Variants in LRIG1 observed in about 807,000 individuals in gnomAD.
The protein encoded by LRIG1 is leucine-rich repeats and immunoglobulin-like domains protein 1.
A neutral mutation model predicts 99.2 loss-of-function variants in LRIG1; 48 were observed. That is an observed-to-expected ratio of 0.48 (90% CI 0.38 to 0.62). The LOEUF is 0.62. LRIG1 is among the 20% of genes least tolerant of loss of function. LRIG1 has a pLI of 0.00. For synonymous variants in LRIG1, 772 were observed against 596.1 expected, an observed-to-expected ratio of 1.29 and a Z score of -4.30; for missense variants, 1,646 against 1,434.4, an observed-to-expected ratio of 1.15 and a Z score of -2.38.
At chr3:66,463,655 T>C (rs771633896) in intron 1 of LRIG1, among the ~76,000 whole-genome samples, 5 of 152,238 alleles carry the variant, frequency 3.3e-5, no homozygotes, top group Non-Finnish European at 5.9e-5. Context: ...AGCCCCGTGT[T>C]TGCCAAAGAG....
rs185172010 is a variant in LRIG1 at position 66,417,176 on chromosome 3, C to T, written c.456G>A (p.Thr152=). The change falls in exon 4 of 19, where the codon ACG becomes ACA. Residue 152 remains threonine (T), a synonymous_variant. Coordinates refer to ENST00000273261, the MANE Select transcript of LRIG1 (RefSeq NM_015541.3). ...GTGGAAAGCAGGTGTTCCGCACTTC[C>T]GTGATGTTGTTCAAACTCAGATCTA... ...EVLDLSLNNI[T]EVRNTCFPHG... is the part of the protein sequence containing the mutation. 3.1e-4 allele frequency: 499 copies of T among 1,614,192 alleles called. 1 individual carries two copies. In the East Asian group the frequency reaches 0.01, roughly 33 times the overall value.
chr3:66,384,329 A>C (rs565344864), intron 13 of LRIG1, 57 bp from the exon 14 acceptor site: 2 of 1,551,938 alleles, frequency 1.3e-6, no homozygotes, highest in Admixed American at 1.7e-5. Context: ...CAAAACCAGG[A>C]AGTCCTCTGG....
intron 16 of LRIG1, among the ~76,000 whole-genome samples, chr3:66,382,066 G>A (rs1701108339): frequency 6.6e-6 from 1 of 152,194 alleles, no homozygotes; most frequent in East Asian, 1.9e-4. Context: ...CAATCCAGTG[G>A]CTTCCTGAGG....
Position 66,500,507 on chromosome 3 carries a change from A to T in LRIG1, c.-100T>A, listed in dbSNP as rs1393799530. On this transcript the variant is annotated 5_prime_UTR_variant, in exon 1 of 19. Coordinates refer to ENST00000273261, the MANE Select transcript of LRIG1 (RefSeq NM_015541.3). The stretch of plus-strand genomic sequence containing the variant: ...CGCGGGGCGCTCCGCTCGGCTCTAG[A>T]CTCCGCACCGGGGCATGGCCCCCGC... 1.7e-6 allele frequency: 1 copy of T among 579,808 alleles called. No individual in the cohort carries two copies. The highest frequency in any genetic ancestry group is 2.6e-6 in the Non-Finnish European group (1 of 383,164). The allele number at this position is 579,808 out of a possible 1,614,324, so 35.9% of individuals were successfully genotyped here. A position where few individuals can be genotyped will look rare whatever the true frequency, so the allele number is the denominator to read the frequency against.
intron 1 of LRIG1, among the ~76,000 whole-genome samples, chr3:66,480,182 C>G (rs533365256): frequency 6.6e-6 from 1 of 152,230 alleles, no homozygotes; most frequent in East Asian, 1.9e-4. Context: ...ATCATGACAA[C>G]ACTGTGCTAA....
At chr3:66,482,889 C>T (rs541944963) in intron 1 of LRIG1, among the ~76,000 whole-genome samples, 150 of 152,272 alleles carry the variant, frequency 9.9e-4, no homozygotes, top group Admixed American at 1.9e-3. Flanking sequence ...TCACACATTA[C>T]TGGAAATTTA....
intron 12 of LRIG1, chr3:66,387,455 T>TC (rs1298792116): frequency 6.6e-6 from 1 of 151,984 alleles, no homozygotes; most frequent in Non-Finnish European, 1.5e-5. Flanking sequence ...GACTTCTCTG[T>TC]CCAACCATTA....
At chr3:66,399,221 G>A (rs1353527994) in intron 9 of LRIG1, among the ~76,000 whole-genome samples, 180 bp from the exon 10 acceptor site, 1 of 152,206 alleles carries the variant, frequency 6.6e-6, no homozygotes, top group African/African-American at 2.4e-5. Flanking sequence ...AGGCACGCAG[G>A]CCTTCCCCTT....
In LRIG1 at chr3:66,472,825, T is replaced by A. The variant is rs1006289977; in HGVS notation, c.219-10316A>T. 2.6e-5 allele frequency among the ~76,000 whole-genome samples: 4 copies of A among 152,214 alleles called. No homozygotes were observed. The South Asian group carries it at 8.3e-4, about 32-fold the overall frequency. ...CCCTTCCCTCCATCTGAGTCATTCA[T>A]TACACACTATTCTAAACACTCTTGT... On this transcript the variant is annotated intron_variant, in intron 1 of 18. Coordinates refer to ENST00000273261, the MANE Select transcript of LRIG1 (RefSeq NM_015541.3).
intron 1 of LRIG1, among the ~76,000 whole-genome samples, chr3:66,498,961 T>C (rs1034126720): frequency 1.3e-5 from 2 of 152,252 alleles, no homozygotes; most frequent in African/African-American, 2.4e-5. Context: ...TTACAACTTG[T>C]GACACCAGTT....
At chr3:66,438,659 T>C (rs1002738434) in intron 3 of LRIG1, among the ~76,000 whole-genome samples, 3 of 152,200 alleles carry the variant, frequency 2.0e-5, no homozygotes, top group African/African-American at 7.2e-5. Context: ...AGAGTTGGAA[T>C]GAGCCTTGGG....
intron 3 of LRIG1, among the ~76,000 whole-genome samples, chr3:66,424,040 T>C (rs1702899916): frequency 6.6e-6 from 1 of 152,142 alleles, no homozygotes; most frequent in Non-Finnish European, 1.5e-5. Flanking sequence ...CTGGCTCCCC[T>C]CTCAGGAACG....
At chr3:66,497,596 T>C (rs1701255748) in intron 1 of LRIG1, among the ~76,000 whole-genome samples, 1 of 151,230 alleles carries the variant, frequency 6.6e-6, no homozygotes, top group Admixed American at 6.6e-5. Flanking sequence ...CGATTATCAT[T>C]ATCCATTCTG....
At chr3:66,468,717 T>G (rs1700530982) in intron 1 of LRIG1, among the ~76,000 whole-genome samples, 1 of 152,182 alleles carries the variant, frequency 6.6e-6, no homozygotes, top group Admixed American at 6.5e-5. Flanking sequence ...AAAAATTGCC[T>G]GCTTGGGACT....
At chr3:66,484,615 A>C (rs534192410) in intron 1 of LRIG1, among the ~76,000 whole-genome samples, 1 of 152,240 alleles carries the variant, frequency 6.6e-6, no homozygotes, top group South Asian at 2.1e-4. Context: ...GGTATTTAAA[A>C]AGTCTTTTTA....
At position 66,383,229 on chromosome 3, in the gene LRIG1, C is replaced by A. The variant is rs1052193819; in HGVS notation, c.2244G>T (p.Leu748=). ...CCTCTGCCACCACGTTCTGAACCAC[C>A]AGGAGCTGGTTGTCAGGGGTCAAGT... is the stretch of plus-strand genomic sequence containing the variant. ...RHHLTPDNQL[L]VVQNVVAEDA... The change falls in exon 15 of 19, where the codon CTG becomes CTT. Residue 748 remains leucine (L), a synonymous_variant. Coordinates refer to ENST00000273261, the MANE Select transcript of LRIG1 (RefSeq NM_015541.3). 4.3e-6 allele frequency: 7 copies of A among 1,614,234 alleles called. No homozygotes were observed. Among genetic ancestry groups the A allele is most frequent in the Non-Finnish European group, 5.9e-6 (7 of 1,180,042 alleles).
At chr3:66,382,883 A>G in intron 15 of LRIG1, 99 bp downstream of exon 15, 1 of 1,084,852 alleles carries the variant, frequency 9.2e-7, no homozygotes, top group South Asian at 1.6e-5. Flanking sequence ...TTCTGAACAC[A>G]GTGCAATTCT....
intron 1 of LRIG1, among the ~76,000 whole-genome samples, chr3:66,480,679 TGTCCATGA>T (rs1700829199): frequency 6.6e-6 from 1 of 152,232 alleles, no homozygotes; most frequent in Admixed American, 6.5e-5. Context: ...TCCCAAGCTC[TGTCCATGA>T]GTCCATCAGA....
chr3:66,461,533 A>G (rs768187864), intron 2 of LRIG1, among the ~76,000 whole-genome samples: 13 of 152,210 alleles, frequency 8.5e-5, no homozygotes, highest in Non-Finnish European at 1.8e-4. Flanking sequence ...GATAAGTAGG[A>G]AAGACTGATA....
Sources: gnomAD v4.1 joint callset for allele counts (sites outside exome capture counted in the v4.1 genomes callset) on GRCh38, gnomAD v4.1.1 for gene constraint, MANE v1.5 for transcripts, NCBI Gene and HGNC (gene_info 2026-07-23, HGNC 2026-07-21) for gene names.